The following ADGRD2 variants were observed in gnomAD, a reference collection of about 807,000 sequenced individuals.
The protein encoded by ADGRD2 is adhesion G protein-coupled receptor D2.
In ADGRD2, 71 loss-of-function variants were observed where a neutral mutation model predicts 44.4. The ratio of observed to expected loss-of-function variants is 1.60; its 90% CI spans 1.32 to 1.95. The LOEUF (loss-of-function observed/expected upper bound fraction) is 1.95. Ranked by LOEUF, ADGRD2 falls within the 30% of genes most tolerant of loss-of-function variation. The pLI is 0.00. For missense variants in ADGRD2, 1,039 were observed against 512.4 expected, an observed-to-expected ratio of 2.03 and a Z score of -9.92; for synonymous variants, 481 against 224.8, an observed-to-expected ratio of 2.14 and a Z score of -10.19.
At chr9:124,452,983 G>T in intron 2 of ADGRD2, 52 bp from the exon 6 acceptor site, 1 of 620,410 alleles carries the variant, frequency 1.6e-6, no homozygotes, top group South Asian at 1.9e-5. Flanking sequence ...GCAGGGGCAG[G>T]ACCATGTGCA....
intron 7 of ADGRD2, 42 bp from the exon 11 acceptor site, chr9:124,457,430 C>T: frequency 1.8e-6 from 1 of 549,764 alleles, no homozygotes; most frequent in East Asian, 2.9e-5. Context: ...AGCAGAAAGA[C>T]CTCACTCCGA....
At chr9:124,451,997 G>GCCCCCCCCCCCCCCCCCCC, upstream of ADGRD2, 2 of 360,938 alleles carry the variant, frequency 5.5e-6, no homozygotes, top group South Asian at 2.1e-5. Flanking sequence ...TCCACTGAAT[G>GCCCCCCCCCCCCCCCCCCC]CCCCCCTCCC....
At chr9:124,462,112 C>T (rs1831732803) in intron 10 of ADGRD2, among the ~76,000 whole-genome samples, 1 of 151,902 alleles carries the variant, frequency 6.6e-6, no homozygotes. Context: ...GGCTGGAGTA[C>T]AGTGGTACGA....
At chr9:124,467,634 G>A in intron 11 of ADGRD2, 87 bp from the exon 15 acceptor site, 2 of 689,656 alleles carry the variant, frequency 2.9e-6, no homozygotes, top group Non-Finnish European at 5.4e-6. Context: ...TGCGGCGTGG[G>A]GGGCCTTAGA....
chr9:124,473,045 C>T (rs946689325), intron 17 of ADGRD2, among the ~76,000 whole-genome samples: 47 of 152,184 alleles, frequency 3.1e-4, no homozygotes, highest in African/African-American at 1.1e-3. Context: ...TCCCCAGGCC[C>T]GGCCTTTCCC....
chr9:124,459,480 C>T (rs952356864), intron 10 of ADGRD2, among the ~76,000 whole-genome samples: 1 of 149,878 alleles, frequency 6.7e-6, no homozygotes, highest in African/African-American at 2.5e-5. Context: ...GGTGACAGAA[C>T]AAGACTCTGT....
chr9:124,456,780 C>T (rs1296161194), intron 7 of ADGRD2, 47 bp downstream of exon 10: 2 of 703,020 alleles, frequency 2.8e-6, no homozygotes, highest in Non-Finnish European at 2.6e-6. Flanking sequence ...AGACCTCCCT[C>T]CTCAGCCCTG....
At chr9:124,475,271 T>C (rs1282039218) in intron 17 of ADGRD2, among the ~76,000 whole-genome samples, 175 bp from the exon 21 acceptor site, 1 of 152,232 alleles carries the variant, frequency 6.6e-6, no homozygotes, top group East Asian at 1.9e-4. Context: ...ATGCCACAGC[T>C]ACTCCTCCGC....
chr9:124,454,851 G>A lies in ADGRD2; in HGVS notation c.1119G>A (p.Pro373=), dbSNP rs746307556. ...GGCTCCTCTGTCCACAGCTCCTCCC[G>A]GACCCCCTCTCCGAAGTCCATGGGG... is the stretch of plus-strand genomic sequence containing the variant. Residue 373 remains proline, a synonymous_variant, in exon 6 of 22, where the codon CCG becomes CCA. Coordinates refer to ENST00000334810, the Ensembl canonical transcript of ADGRD2. This position sits in a 1 kb window ranked among gnomAD's most constrained non-coding sequence, Gnocchi z 4.5. 19 of 700,304 alleles carry A rather than the reference G, an allele frequency of 2.7e-5. No individual in the cohort carries two copies. The highest frequency in any genetic ancestry group is 1.1e-4 in the East Asian group (4 of 37,084). The allele number at this position is 700,304 out of a possible 1,614,324, so 43.4% of individuals were successfully genotyped here.
chr9:124,468,773 G>T (rs1019861869), intron 14 of ADGRD2, 101 bp downstream of exon 17: 36 of 626,268 alleles, frequency 5.7e-5, no homozygotes, highest in Non-Finnish European at 9.7e-5. Context: ...TCAGCACCCA[G>T]CACCACTCAG....
intron 2 of ADGRD2, 24 bp from the exon 6 acceptor site, chr9:124,453,011 G>C (rs1337880633): frequency 6.3e-6 from 4 of 635,914 alleles, no homozygotes; most frequent in Non-Finnish European, 1.1e-5. Flanking sequence ...GGAAACTGAG[G>C]TCGCAGCCCA....
At chr9:124,463,753 A>G (rs1448520656) in intron 10 of ADGRD2, among the ~76,000 whole-genome samples, 1 of 152,184 alleles carries the variant, frequency 6.6e-6, no homozygotes, top group Non-Finnish European at 1.5e-5. Context: ...TCCTTTTCAC[A>G]TCTGTAGACT....
In ADGRD2 at chr9:124,453,691, G is replaced by GCCCCGGCCCCA; in HGVS notation, c.923+20_923+30dup. ...TCTCTGTCCCGGTACGACCCGCCCC[G>GCCCCGGCCCCA]CCCCGGCCCCACCCCATGGCCCCGA... On this transcript the variant is annotated intron_variant, in intron 3 of 21. Coordinates refer to ENST00000334810, the Ensembl canonical transcript of ADGRD2. 8.4e-6 allele frequency: 2 copies of GCCCCGGCCCCA among 239,254 alleles called. No individual in the cohort carries two copies. Among genetic ancestry groups the GCCCCGGCCCCA allele is most frequent in the Non-Finnish European group, 1.5e-5 (2 of 129,236 alleles). The allele number at this position is 239,254 out of a possible 1,614,324, so 14.8% of individuals were successfully genotyped here.
intron 17 of ADGRD2, among the ~76,000 whole-genome samples, chr9:124,472,329 C>T (rs1318378157): frequency 6.6e-6 from 1 of 152,166 alleles, no homozygotes; most frequent in East Asian, 1.9e-4. Context: ...CCTTCTCACC[C>T]TCTGGCCATG....
At chr9:124,476,203 C>T (rs1383423630) in intron 19 of ADGRD2, among the ~76,000 whole-genome samples, 154 bp from the exon 23 acceptor site, 1 of 152,204 alleles carries the variant, frequency 6.6e-6, no homozygotes, top group Admixed American at 6.5e-5. Flanking sequence ...TGGGCAAGTT[C>T]CCTTCCCTCT....
rs1588611398 is a variant in ADGRD2 at position 124,476,937 on chromosome 9, T to A, written c.*18+228T>A. ...TAGAGAGTAGGTCATGGAACCCTATTCTGAGCGGGCGCTGCCAAGAGCACA... is the reference window on the plus strand; with the variant it reads ...TAGAGAGTAGGTCATGGAACCCTATACTGAGCGGGCGCTGCCAAGAGCACA... On this transcript the variant is annotated intron_variant, in intron 21 of 21. Transcript: ENST00000334810. 1.3e-5 allele frequency: 9 copies of A among 703,936 alleles called. No individual in the cohort carries two copies. In the East Asian group the frequency reaches 2.5e-4, roughly 19 times the overall value. The allele number at this position is 703,936 out of a possible 1,614,324, so 43.6% of individuals were successfully genotyped here.
At chr9:124,452,555 G>A (rs1162767788) in exon 2 of ADGRD2, 1 of 718,570 alleles carries the variant, frequency 1.4e-6, no homozygotes, top group Non-Finnish European at 2.6e-6. Context: ...GGTGGGGTGT[G>A]CAAGTTCTCT....
chr9:124,451,812 C>G, upstream of ADGRD2: 1 of 434,072 alleles, frequency 2.3e-6, no homozygotes, highest in Non-Finnish European at 4.2e-6. Flanking sequence ...AAATGTTATC[C>G]AAGATAAGTC....
chr9:124,469,325 C>T (rs1314585504), exon 15 of ADGRD2: 1 of 718,360 alleles, frequency 1.4e-6, no homozygotes, highest in Non-Finnish European at 2.6e-6. Flanking sequence ...CCATCTGGGC[C>T]TTCGTGGGGC....
Sources: allele counts gnomAD v4.1 joint callset (sites outside exome capture counted in the v4.1 genomes callset), GRCh38; gene constraint gnomAD v4.1.1; non-coding constraint Gnocchi (gnomAD v3.1); transcripts MANE v1.5; gene names NCBI Gene and HGNC (gene_info 2026-07-23, HGNC 2026-07-21).